The following CMYA5 variants were observed in gnomAD, a reference collection of about 807,000 sequenced individuals.
CMYA5 encodes the protein cardiomyopathy associated 5, also known as cardiomyopathy-associated protein 5.
In CMYA5, 246 loss-of-function variants were observed where a neutral mutation model predicts 318.9. That is an observed-to-expected ratio of 0.77 (90% CI 0.70 to 0.86). The LOEUF (loss-of-function observed/expected upper bound fraction) is 0.86. Ranked by LOEUF, CMYA5 falls within the 40% of genes least tolerant of loss-of-function variation. The probability of loss-of-function intolerance (pLI) is 0.00; values close to 1 mark genes in which losing one functional copy is unlikely to be tolerated. For synonymous variants in CMYA5, 1,641 were observed against 1,729.5 expected (o/e 0.95, Z 1.27); for missense variants, 4,589 against 4,678.2 (o/e 0.98, Z 0.56).
intron 5 of CMYA5, among the ~76,000 whole-genome samples, chr5:79,747,350 G>T (rs1465051349): frequency 6.6e-6 from 1 of 152,200 alleles, no homozygotes; most frequent in Non-Finnish European, 1.5e-5. Flanking sequence ...GCTTCCTCAA[G>T]ATGTATTCTG....
intron 1 of CMYA5, among the ~76,000 whole-genome samples, chr5:79,721,362 G>GA (rs143133159): frequency 0.015 from 2,239 of 151,856 alleles, 63 homozygotes; most frequent in African/African-American, 0.052. Flanking sequence ...AGATAGGAGA[G>GA]AAAAAGGAAT....
Position 79,735,176 on chromosome 5 carries a change from A to G in CMYA5, c.6411A>G (p.Ser2137=), listed in dbSNP as rs1828026697. 6.2e-7 allele frequency: 1 copy of G among 1,613,514 alleles called. No individual in the cohort carries two copies. The part of the protein sequence containing the change: ...KIPTQRKPIS[S]IHAREPQSPE... ...CCACACAAAGAAAACCCATCTCCTC[A>G]ATCCATGCAAGAGAGCCTCAATCCC... Residue 2137 remains serine (S), a synonymous_variant, in exon 2 of 13, where the codon TCA becomes TCG. Coordinates refer to ENST00000446378, the MANE Select transcript of CMYA5 (RefSeq NM_153610.5).
rs1465276838 is a variant in CMYA5, at chr5:79,790,999, G to A, written c.11719G>A (p.Ala3907Thr). Residue 3907 changes from alanine (A) to threonine (T), a missense_variant, in exon 11 of 13, where the codon GCT (alanine) becomes ACT (threonine). Physicochemically the swap from Ala to Thr is moderately conservative, Grantham distance 58. Transcript: ENST00000446378. ...CAGATTTCTCTTGTTGAGAGAAACA[G>A]CTCATCCTGCTCTACACATTTCCTC... is the stretch of plus-strand genomic sequence containing the variant. ...GTRFLLLRET[A>T]HPALHISSSG... The A allele has an allele frequency of 1.2e-6, 2 of 1,613,876 alleles. No homozygotes were observed. The highest frequency in any genetic ancestry group is 3.3e-5 in the Admixed American group (2 of 60,006).
intron 5 of CMYA5, 137 bp from the exon 6 acceptor site, chr5:79,752,539 T>A (rs1185936911): frequency 2.2e-5 from 12 of 538,594 alleles, no homozygotes; most frequent in Admixed American, 1.9e-4. Context: ...CTTTAAATCC[T>A]TTTTTGGATA....
At chr5:79,788,720 A>AT (rs1319054041) in intron 9 of CMYA5, among the ~76,000 whole-genome samples, 3 of 152,134 alleles carry the variant, frequency 2.0e-5, no homozygotes, top group Admixed American at 1.3e-4. Flanking sequence ...TGTTTTCTGA[A>AT]TTTTTTTAAG....
intron 12 of CMYA5, 48 bp downstream of exon 12, chr5:79,793,658 G>C (rs1391020184): frequency 6.5e-7 from 1 of 1,533,768 alleles, no homozygotes; most frequent in Non-Finnish European, 8.9e-7. Context: ...TTATGCTTGG[G>C]TGTCCAGGCA....
At chr5:79,791,259 T>G (rs925595691) in intron 11 of CMYA5, among the ~76,000 whole-genome samples, 190 bp downstream of exon 11, 13 of 152,176 alleles carry the variant, frequency 8.5e-5, no homozygotes, top group Admixed American at 4.6e-4. Context: ...AGTTCATCAC[T>G]TGGAGCAAGT....
chr5:79,694,441 T>C (rs1827029534), intron 1 of CMYA5, among the ~76,000 whole-genome samples: 1 of 152,238 alleles, frequency 6.6e-6, no homozygotes, highest in Non-Finnish European at 1.5e-5. Flanking sequence ...GCCAACTCTT[T>C]CAGCCTTTCC....
chr5:79,699,935 C>T (rs976368480), intron 1 of CMYA5, among the ~76,000 whole-genome samples: 1 of 152,186 alleles, frequency 6.6e-6, no homozygotes, highest in Admixed American at 6.5e-5. Context: ...TGGACACCAT[C>T]CTAGGTGGTC....
At chr5:79,757,455 G>A (rs1828552947) in intron 6 of CMYA5, among the ~76,000 whole-genome samples, 1 of 152,048 alleles carries the variant, frequency 6.6e-6, no homozygotes, top group Admixed American at 6.6e-5. Flanking sequence ...AATGTATGCT[G>A]AATCAGTAGG....
chr5:79,767,006 A>T (rs1828767357), intron 9 of CMYA5, among the ~76,000 whole-genome samples: 1 of 152,160 alleles, frequency 6.6e-6, no homozygotes, highest in Non-Finnish European at 1.5e-5. Context: ...CTATTCAGGG[A>T]TTCGACTTCT....
chr5:79,696,413 C>T (rs186099326), intron 1 of CMYA5, among the ~76,000 whole-genome samples: 8 of 152,166 alleles, frequency 5.3e-5, no homozygotes, highest in African/African-American at 1.7e-4. Context: ...TGATAAAGTC[C>T]AAGATATGTG....
Position 79,730,953 on chromosome 5 carries a change from A to C in CMYA5, c.2188A>C (p.Met730Leu), listed in dbSNP as rs965404711. 1 of 1,613,934 alleles carries C rather than the reference A, an allele frequency of 6.2e-7. No homozygotes were observed. The highest frequency in any genetic ancestry group is 8.5e-7 in the Non-Finnish European group (1 of 1,179,868). Residue 730 changes from methionine (M) to leucine (L), a missense_variant, in exon 2 of 13, where the codon ATG becomes CTG. Coordinates refer to ENST00000446378, the MANE Select transcript of CMYA5 (RefSeq NM_153610.5). Reference protein sequence around the residue: ...PLILKGVSEYMIPSEEKEDTG... With the variant: ...PLILKGVSEYLIPSEEKEDTG... The stretch of plus-strand genomic sequence containing the variant: ...AATATTGAAAGGTGTTTCTGAGTAC[A>C]TGATTCCATCAGAAGAGAAGGAAGA...
intron 6 of CMYA5, among the ~76,000 whole-genome samples, chr5:79,757,375 T>G (rs1828551229): frequency 6.6e-6 from 1 of 152,178 alleles, no homozygotes; most frequent in African/African-American, 2.4e-5. Context: ...CTTTACAAGT[T>G]TCTAGGAAAA....
intron 1 of CMYA5, among the ~76,000 whole-genome samples, chr5:79,702,564 C>A (rs1051184547): frequency 1.3e-5 from 2 of 152,010 alleles, no homozygotes; most frequent in African/African-American, 4.8e-5. Context: ...TCTGTAGAGA[C>A]CCAGAGTAGA....
intron 1 of CMYA5, among the ~76,000 whole-genome samples, chr5:79,713,277 TCCCCACCCCGCTGCAC>T (rs1217645280): frequency 7.4e-6 from 1 of 135,204 alleles, no homozygotes; most frequent in South Asian, 2.8e-4. Flanking sequence ...CACAGGACAG[TCCCCACCCCGCTGCAC>T]CCCGCCCCCA....
chr5:79,760,198 T>C (rs1365876957), intron 7 of CMYA5, among the ~76,000 whole-genome samples: 1 of 152,194 alleles, frequency 6.6e-6, no homozygotes, highest in Non-Finnish European at 1.5e-5. Flanking sequence ...CTTTTTTTTT[T>C]TTTTTACTGG....
intron 9 of CMYA5, among the ~76,000 whole-genome samples, chr5:79,775,801 G>A (rs1328166009): frequency 6.6e-6 from 1 of 152,136 alleles, no homozygotes; most frequent in Non-Finnish European, 1.5e-5. Flanking sequence ...ACCATTCTGG[G>A]CAGGCAGTTT....
Position 79,730,376 on chromosome 5 carries a change from A to C in CMYA5, c.1611A>C (p.Pro537=), listed in dbSNP as rs766702243. The C allele has an allele frequency of 6.2e-7, 1 of 1,613,934 alleles. No homozygotes were observed. Among genetic ancestry groups the C allele is most frequent in the Non-Finnish European group, 8.5e-7 (1 of 1,179,890 alleles). The change falls in exon 2 of 13, where the codon CCA becomes CCC. Residue 537 remains proline, a synonymous_variant. Transcript: ENST00000446378. ...AAGAGATCGTAGAACTTGATTACCC[A>C]GAAAGCCCATTGGTTTCCGAGAAGC... ...VEEEIVELDY[P]ESPLVSEKPF...
Sources: allele counts gnomAD v4.1 joint callset (sites outside exome capture counted in the v4.1 genomes callset), GRCh38; gene constraint gnomAD v4.1.1; transcripts MANE v1.5; gene names NCBI Gene and HGNC (gene_info 2026-07-23, HGNC 2026-07-21).